Variants in CCNB3 observed in about 807,000 individuals in gnomAD.
CCNB3 encodes cyclin B3.
Under a neutral mutation model 68.0 loss-of-function variants are expected in CCNB3, and 12 were observed. That is an observed-to-expected ratio of 0.18 (90% confidence interval 0.11 to 0.29). The LOEUF is 0.29. Among genes scored for constraint, CCNB3 ranks in the 10% least tolerant of loss-of-function variants. CCNB3 has a pLI of 1.00. For synonymous variants in CCNB3, 354 were observed against 388.9 expected (o/e 0.91, Z 1.06); for missense variants, 904 against 993.1 (o/e 0.91, Z 1.21).
In CCNB3 at chrX:50,309,653, A is replaced by G. The variant is rs1557214278; in HGVS notation, c.1484A>G (p.His495Arg). Residue 495 changes from histidine to arginine, a missense_variant, in exon 6 of 13, where the codon CAT (histidine) becomes CGT (arginine). His to Arg is a conservative substitution (Grantham distance 29). Coordinates refer to ENST00000376042, the MANE Select transcript of CCNB3 (RefSeq NM_033031.3). Reference sequence around the variant, plus strand: ...AAGCCTTTAATTTTAAAGAGGAAGCATGCCACTCAGGGGACAATGTCCCAC... The same window carrying G: ...AAGCCTTTAATTTTAAAGAGGAAGCGTGCCACTCAGGGGACAATGTCCCAC... Reference protein sequence around the residue: ...TKKPLILKRKHATQGTMSHLK... With the variant: ...TKKPLILKRKRATQGTMSHLK... 8.3e-7 allele frequency: 1 copy of G among 1,211,322 alleles called. No homozygotes were observed. The highest frequency in any genetic ancestry group is 1.1e-6 in the Non-Finnish European group (1 of 895,358).
chrX:50,217,519 A>G (rs1935597517), intron 1 of CCNB3, among the ~76,000 whole-genome samples: 3 of 110,084 alleles, frequency 2.7e-5, no homozygotes, highest in Admixed American at 9.7e-5. Flanking sequence ...TGATCTGCCC[A>G]CCTTGGCCTC....
intron 8 of CCNB3, among the ~76,000 whole-genome samples, chrX:50,336,534 A>G (rs1481250132): frequency 8.9e-6 from 1 of 112,209 alleles, no homozygotes; most frequent in East Asian, 2.8e-4. Flanking sequence ...ACTTTGACTA[A>G]GGCCATATTA....
intron 8 of CCNB3, among the ~76,000 whole-genome samples, chrX:50,331,450 C>T (rs1384741561): frequency 2.7e-5 from 3 of 111,836 alleles, no homozygotes; most frequent in Non-Finnish European, 5.6e-5. Context: ...AGTCATCCTA[C>T]GGGGTGAGTG....
chrX:50,226,864 A>AATATATAGAAT (rs1935844545), intron 1 of CCNB3, among the ~76,000 whole-genome samples: 2 of 72,200 alleles, frequency 2.8e-5, no homozygotes, highest in African/African-American at 1.3e-4. Flanking sequence ...ATATATATAG[A>AATATATAGAAT]ATATATAGAA....
intron 1 of CCNB3, among the ~76,000 whole-genome samples, chrX:50,226,943 TAGA>T (rs1935852578): frequency 5.3e-5 from 4 of 75,431 alleles, no homozygotes; most frequent in African/African-American, 2.2e-4. Flanking sequence ...AGTATATATA[TAGA>T]ATATATATAG....
intron 5 of CCNB3, among the ~76,000 whole-genome samples, chrX:50,299,483 C>G (rs1368141019): frequency 1.8e-5 from 2 of 111,801 alleles, no homozygotes; most frequent in Non-Finnish European, 3.8e-5. Flanking sequence ...TTTGATTGCA[C>G]TGTGGTCTGA....
At chrX:50,328,252 A>G (rs1418493033) in intron 8 of CCNB3, among the ~76,000 whole-genome samples, 5 of 112,227 alleles carry the variant, frequency 4.5e-5, no homozygotes, top group Non-Finnish European at 9.4e-5. Flanking sequence ...TCACATTGCT[A>G]TAAAGAAATA....
intron 9 of CCNB3, among the ~76,000 whole-genome samples, chrX:50,342,585 G>A (rs1557219760): frequency 9.0e-6 from 1 of 110,621 alleles, no homozygotes; most frequent in African/African-American, 3.3e-5. Flanking sequence ...TGATGCTGGT[G>A]TAAACAAACC....
At chrX:50,340,917 A>G (rs1363808030) in intron 8 of CCNB3, among the ~76,000 whole-genome samples, 1 of 112,241 alleles carries the variant, frequency 8.9e-6, no homozygotes, top group African/African-American at 3.2e-5. Flanking sequence ...GGGTCAATGA[A>G]ATTAAGGAAA....
At chrX:50,334,703 G>A (rs1922765003) in intron 8 of CCNB3, among the ~76,000 whole-genome samples, 1 of 112,252 alleles carries the variant, frequency 8.9e-6, no homozygotes, top group Non-Finnish European at 1.9e-5. Flanking sequence ...GGGACTGGGG[G>A]CCGACATAAG....
At chrX:50,329,391 C>T (rs1262064780) in intron 8 of CCNB3, among the ~76,000 whole-genome samples, 1 of 112,925 alleles carries the variant, frequency 8.9e-6, no homozygotes, top group Non-Finnish European at 1.9e-5. Context: ...GGTGCCAAGC[C>T]TCCTTCACTC....
At chrX:50,328,522 TC>T (rs1557217620) in intron 8 of CCNB3, among the ~76,000 whole-genome samples, 5 of 111,557 alleles carry the variant, frequency 4.5e-5, no homozygotes, top group Admixed American at 3.8e-4. Flanking sequence ...CCATGAGGGA[TC>T]TGTCCTCATG....
intron 9 of CCNB3, among the ~76,000 whole-genome samples, chrX:50,343,529 C>A (rs984553732): frequency 3.6e-5 from 4 of 111,587 alleles, no homozygotes; most frequent in Non-Finnish European, 7.5e-5. Flanking sequence ...CAAAGTGAGA[C>A]CCCATCTCTA....
intron 4 of CCNB3, among the ~76,000 whole-genome samples, chrX:50,293,335 T>A (rs896536874): frequency 6.9e-4 from 77 of 111,375 alleles, no homozygotes; most frequent in Middle Eastern, 9.2e-3. Context: ...TTGTTGATTT[T>A]TTTTAAGGTT....
chrX:50,335,851 C>T (rs1922824157), intron 8 of CCNB3, among the ~76,000 whole-genome samples: 1 of 111,901 alleles, frequency 8.9e-6, no homozygotes, highest in Non-Finnish European at 1.9e-5. Context: ...AAGCAAGTCT[C>T]TTCCCAGCAA....
chrX:50,329,859 G>C (rs1049568985), intron 8 of CCNB3, among the ~76,000 whole-genome samples: 1 of 111,775 alleles, frequency 8.9e-6, no homozygotes, highest in Non-Finnish European at 1.9e-5. Context: ...TGATTTATTT[G>C]CTCCTGCATC....
chrX:50,304,487 T>G (rs924929433), intron 5 of CCNB3, among the ~76,000 whole-genome samples: 6 of 111,507 alleles, frequency 5.4e-5, no homozygotes, highest in African/African-American at 2.0e-4. Flanking sequence ...CCTTACACCT[T>G]ATACAAAAAT....
chrX:50,329,892 G>C (rs1484755920), intron 8 of CCNB3, among the ~76,000 whole-genome samples: 1 of 112,071 alleles, frequency 8.9e-6, no homozygotes, highest in Non-Finnish European at 1.9e-5. Context: ...TTTAGAAGCA[G>C]GCAGGCCCCA....
At chrX:50,347,928 G>A (rs782149451) in intron 11 of CCNB3, among the ~76,000 whole-genome samples, 153 bp downstream of exon 11, 2 of 111,360 alleles carry the variant, frequency 1.8e-5, no homozygotes, top group Admixed American at 9.6e-5. Flanking sequence ...GACAACTTGG[G>A]GCAAGGGCTT....
Sources: allele counts gnomAD v4.1 joint callset (sites outside exome capture counted in the v4.1 genomes callset), GRCh38; gene constraint gnomAD v4.1.1; transcripts MANE v1.5; gene names NCBI Gene and HGNC (gene_info 2026-07-23, HGNC 2026-07-21).